Variants in NLGN1 observed in about 807,000 individuals in gnomAD.
NLGN1 encodes neuroligin 1, also known as neuroligin-1.
Under a neutral mutation model 65.5 loss-of-function variants are expected in NLGN1, and 12 were observed. That is an observed-to-expected ratio of 0.18 (90% CI 0.12 to 0.30). The LOEUF (loss-of-function observed/expected upper bound fraction) is 0.30. Ranked by LOEUF, NLGN1 falls within the 10% of genes least tolerant of loss-of-function variation. NLGN1 has a pLI of 1.00. For synonymous variants in NLGN1, 350 were observed against 359.5 expected, an observed-to-expected ratio of 0.97 and a Z score of 0.30; for missense variants, 750 against 1,007.1, an observed-to-expected ratio of 0.74 and a Z score of 3.46.
intron 3 of NLGN1, among the ~76,000 whole-genome samples, chr3:173,638,078 G>A (rs534222016): frequency 6.6e-6 from 1 of 152,100 alleles, no homozygotes; most frequent in Non-Finnish European, 1.5e-5. Context: ...CTTGAGATAC[G>A]ATTTTTTTTT....
chr3:173,539,758 TAC>T (rs1738390641), intron 2 of NLGN1, among the ~76,000 whole-genome samples: 6 of 94,950 alleles, frequency 6.3e-5, no homozygotes, highest in African/African-American at 2.9e-4. Flanking sequence ...ATATAACATA[TAC>T]ATGTACATAT....
At chr3:173,694,274 C>T (rs1765879731) in intron 3 of NLGN1, among the ~76,000 whole-genome samples, 1 of 152,070 alleles carries the variant, frequency 6.6e-6, no homozygotes, top group African/African-American at 2.4e-5. Context: ...CAGTCTGGAA[C>T]AAGATATGAC....
chr3:173,818,895 C>CTTTTTTTTTTTTTTTTTTTTTTTTTTT (rs200212547), intron 4 of NLGN1, among the ~76,000 whole-genome samples: 2 of 92,388 alleles, frequency 2.2e-5, no homozygotes, highest in African/African-American at 4.7e-5. Context: ...TTGAATAGTT[C>CTTTTTTTTTTTTTTTTTTTTTTTTTTT]TTTTTTTTTT....
At chr3:174,203,628 C>G (rs1326144200) in intron 4 of NLGN1, among the ~76,000 whole-genome samples, 1 of 152,156 alleles carries the variant, frequency 6.6e-6, no homozygotes. Flanking sequence ...GATGAAAGAT[C>G]AAAGAACACC....
chr3:173,401,162 T>C (rs904353732), intron 1 of NLGN1, among the ~76,000 whole-genome samples: 1 of 152,140 alleles, frequency 6.6e-6, no homozygotes, highest in Non-Finnish European at 1.5e-5. Flanking sequence ...GGGAGTGTAC[T>C]GTACATTATA....
chr3:173,993,439 A>G (rs1193933286), intron 4 of NLGN1, among the ~76,000 whole-genome samples: 1 of 152,200 alleles, frequency 6.6e-6, no homozygotes, highest in East Asian at 1.9e-4. Flanking sequence ...TCTTTGTTCC[A>G]GAGCAGATAC....
chr3:174,110,991 C>T (rs140618516), intron 4 of NLGN1, among the ~76,000 whole-genome samples: 4 of 151,894 alleles, frequency 2.6e-5, no homozygotes, highest in Non-Finnish European at 5.9e-5. Flanking sequence ...GAATATTTAT[C>T]GTCAGTCCTT....
intron 4 of NLGN1, among the ~76,000 whole-genome samples, chr3:174,116,339 T>C (rs1218556826): frequency 1.2e-4 from 17 of 136,526 alleles, no homozygotes; most frequent in South Asian, 5.0e-4. Context: ...TCTTTTTTTT[T>C]TTTTTTTTTT....
rs182810113 is a variant in NLGN1 at position 173,855,335 on chromosome 3, T to G, written c.646+47503T>G. Among the ~76,000 whole-genome samples, 546 of 152,260 alleles carry G rather than the reference T, an allele frequency of 3.6e-3. 5 individuals are homozygous for G. The highest frequency in any genetic ancestry group is 0.013 in the African/African-American group (528 of 41,572). ...CTAGATGTTTATATGTTGTTAAATA[T>G]TCTTTAAAATATTTTAACTTTTAGA... On this transcript the variant is annotated intron_variant, in intron 4 of 6. Coordinates refer to ENST00000457714, the Ensembl canonical transcript of NLGN1.
chr3:173,423,127 A>G (rs79929662), intron 1 of NLGN1, among the ~76,000 whole-genome samples: 1 of 152,114 alleles, frequency 6.6e-6, no homozygotes, highest in Non-Finnish European at 1.5e-5. Context: ...CACACTTTAA[A>G]CCATCAGATC....
intron 4 of NLGN1, among the ~76,000 whole-genome samples, chr3:174,169,943 C>T (rs1235208720): frequency 3.3e-5 from 5 of 152,138 alleles, no homozygotes; most frequent in Non-Finnish European, 5.9e-5. Flanking sequence ...TCCTGTCCCT[C>T]GACCTGGGTT....
At chr3:174,052,101 G>A (rs972296042) in intron 4 of NLGN1, among the ~76,000 whole-genome samples, 1 of 151,966 alleles carries the variant, frequency 6.6e-6, no homozygotes, top group African/African-American at 2.4e-5. Flanking sequence ...TGTTTTACTT[G>A]CAGCCTCACA....
intron 2 of NLGN1, among the ~76,000 whole-genome samples, chr3:173,556,329 T>A (rs1346018397): frequency 6.6e-6 from 1 of 152,206 alleles, no homozygotes; most frequent in East Asian, 1.9e-4. Context: ...TTCTAACTTA[T>A]TGATTCTAGC....
intron 4 of NLGN1, among the ~76,000 whole-genome samples, chr3:174,193,734 A>G (rs914032441): frequency 2.6e-5 from 4 of 152,232 alleles, no homozygotes; most frequent in Admixed American, 1.3e-4. Context: ...TAAAAATAGT[A>G]TCCATCTCTC....
chr3:173,747,732 G>A (rs1775680382), intron 3 of NLGN1, among the ~76,000 whole-genome samples: 1 of 149,688 alleles, frequency 6.7e-6, no homozygotes, highest in African/African-American at 2.5e-5. Flanking sequence ...TAGGGACTAG[G>A]GTATATGCAG....
At chr3:173,778,329 T>G (rs1241838346) in intron 3 of NLGN1, among the ~76,000 whole-genome samples, 2 of 151,882 alleles carry the variant, frequency 1.3e-5, no homozygotes, top group East Asian at 3.9e-4. Flanking sequence ...CCATTGTTAA[T>G]TTTTTTAAAG....
At chr3:174,201,346 TGAAG>T (rs750062965) in intron 4 of NLGN1, among the ~76,000 whole-genome samples, 4,496 of 27,592 alleles carry the variant, frequency 0.16, 112 homozygotes, top group African/African-American at 0.23. Flanking sequence ...GTGGGAGGAA[TGAAG>T]GAAGGAAGGA....
intron 3 of NLGN1, among the ~76,000 whole-genome samples, chr3:173,636,110 G>T (rs1197211184): frequency 6.6e-6 from 1 of 152,056 alleles, no homozygotes; most frequent in Non-Finnish European, 1.5e-5. Context: ...AGTAAGAAAA[G>T]AACTTAACGA....
At chr3:173,424,771 C>T (rs1384319828) in intron 1 of NLGN1, among the ~76,000 whole-genome samples, 5 of 152,188 alleles carry the variant, frequency 3.3e-5, no homozygotes, top group African/African-American at 1.2e-4. Flanking sequence ...AACTATTCAA[C>T]AAGTCTCTAG....
Sources: gnomAD v4.1 joint callset for allele counts (sites outside exome capture counted in the v4.1 genomes callset) on GRCh38, gnomAD v4.1.1 for gene constraint, MANE v1.5 for transcripts, NCBI Gene and HGNC (gene_info 2026-07-23, HGNC 2026-07-21) for gene names.